The following PBX3 variants were observed in gnomAD, a reference collection of about 807,000 sequenced individuals.
The protein encoded by PBX3 is PBX homeobox 3.
A neutral mutation model predicts 48.5 loss-of-function variants in PBX3; 14 were observed. The observed-to-expected ratio is 0.29, with a 90% CI of 0.19 to 0.45. The LOEUF is 0.45. Among genes scored for constraint, PBX3 ranks in the 20% least tolerant of loss-of-function variants. The probability of loss-of-function intolerance (pLI) is 1.00; values close to 1 mark genes in which losing one functional copy is unlikely to be tolerated. For missense variants in PBX3, 386 were observed against 546.7 expected, an observed-to-expected ratio of 0.71 and a Z score of 2.93; for synonymous variants, 210 against 200.3, an observed-to-expected ratio of 1.05 and a Z score of -0.41.
At chr9:125,786,913 C>T (rs1358382753) in intron 2 of PBX3, among the ~76,000 whole-genome samples, 3 of 151,888 alleles carry the variant, frequency 2.0e-5, no homozygotes, top group Non-Finnish European at 4.4e-5. Context: ...TTAGTAGAGT[C>T]GGGGTTTCAC....
At chr9:125,765,067 G>C (rs1157434008) in intron 2 of PBX3, among the ~76,000 whole-genome samples, 1 of 151,934 alleles carries the variant, frequency 6.6e-6, no homozygotes, top group East Asian at 1.9e-4. Flanking sequence ...TCCAGAAGCA[G>C]ATTATATACA....
At chr9:125,891,895 C>T (rs1165468295) in intron 2 of PBX3, among the ~76,000 whole-genome samples, 1 of 152,096 alleles carries the variant, frequency 6.6e-6, no homozygotes, top group South Asian at 2.1e-4. Flanking sequence ...GAAATTAGGC[C>T]TACCTGTTCA....
chr9:125,871,868 A>C (rs1840133620), intron 2 of PBX3, among the ~76,000 whole-genome samples: 1 of 152,244 alleles, frequency 6.6e-6, no homozygotes, highest in Admixed American at 6.5e-5. Context: ...GAGATAGGGC[A>C]CAAAGGTGCT....
rs751878387 is a variant in PBX3 at position 125,962,094 on chromosome 9, C to T, written c.1010-8C>T. 1.2e-5 allele frequency: 18 copies of T among 1,471,736 alleles called. No homozygotes were observed. Among genetic ancestry groups the T allele is most frequent in the Non-Finnish European group, 1.6e-5 (17 of 1,050,880 alleles). 91.2% of individuals were successfully genotyped at this position (1,471,736 alleles called of 1,614,324 possible). ...TGTTATTCAGCTACTTAACTCTTTC[C>T]TTTCCAGGTTCTTCTGGTTCTTTTA... On this transcript the variant is annotated splice_region_variant and splice_polypyrimidine_tract_variant and intron_variant, in intron 6 of 8. Coordinates refer to ENST00000373489, the MANE Select transcript of PBX3 (RefSeq NM_006195.6).
At chr9:125,796,767 G>T (rs1055001915) in intron 2 of PBX3, among the ~76,000 whole-genome samples, 1 of 152,002 alleles carries the variant, frequency 6.6e-6, no homozygotes, top group African/African-American at 2.4e-5. Context: ...AAAAGCAGTT[G>T]TATAGAGTCA....
intron 2 of PBX3, among the ~76,000 whole-genome samples, chr9:125,860,128 C>T (rs10986989): frequency 0.059 from 8,999 of 152,234 alleles, 612 homozygotes; most frequent in East Asian, 0.17. Context: ...TATGTGGCTC[C>T]GCTCATTGTA....
intron 2 of PBX3, among the ~76,000 whole-genome samples, chr9:125,898,462 A>T (rs1056992066): frequency 3.3e-5 from 5 of 150,986 alleles, no homozygotes; most frequent in South Asian, 4.2e-4. Flanking sequence ...AAAAAAAAAT[A>T]AAAAAAAGGG....
intron 2 of PBX3, among the ~76,000 whole-genome samples, chr9:125,846,272 C>G (rs2132245448): frequency 6.6e-6 from 1 of 152,104 alleles, no homozygotes; most frequent in Admixed American, 6.6e-5. Context: ...TTCATGTCCA[C>G]ATTAAAATGA....
At chr9:125,760,324 T>C (rs748098813) in intron 2 of PBX3, among the ~76,000 whole-genome samples, 4 of 152,182 alleles carry the variant, frequency 2.6e-5, no homozygotes, top group Non-Finnish European at 4.4e-5. Flanking sequence ...TTTAATGATT[T>C]AACTCTTTTA....
In PBX3 at chr9:125,936,936, G is replaced by C. The variant is rs146887502; in HGVS notation, c.843+1329G>C. Among the ~76,000 whole-genome samples the C allele has an allele frequency of 8.5e-5, 13 of 152,194 alleles. No individual in the cohort carries two copies. In the South Asian group the frequency reaches 2.7e-3, roughly 32 times the overall value. Reference sequence around the variant, plus strand: ...AGAAGACAAAATTAAAAGAAGAATCGTTTCAAGTAGGATTTTATGACGAAT... The same window carrying C: ...AGAAGACAAAATTAAAAGAAGAATCCTTTCAAGTAGGATTTTATGACGAAT... On this transcript the variant is annotated intron_variant, in intron 5 of 8. Coordinates refer to ENST00000373489, the MANE Select transcript of PBX3 (RefSeq NM_006195.6).
intron 2 of PBX3, among the ~76,000 whole-genome samples, chr9:125,861,857 TGA>T (rs1320299251): frequency 1.3e-5 from 2 of 152,168 alleles, no homozygotes; most frequent in Admixed American, 6.5e-5. Context: ...TGGGGAATTT[TGA>T]GAGAGGGTGA....
At chr9:125,925,280 G>C (rs12348999) in intron 3 of PBX3, among the ~76,000 whole-genome samples, 1 of 152,244 alleles carries the variant, frequency 6.6e-6, no homozygotes, top group Non-Finnish European at 1.5e-5. Context: ...AGATGCCGTA[G>C]AGCTGTGCTG....
chr9:125,778,689 T>C (rs1255300356), intron 2 of PBX3, among the ~76,000 whole-genome samples: 4 of 151,252 alleles, frequency 2.6e-5, no homozygotes, highest in Non-Finnish European at 5.9e-5. Context: ...ATGCTCCTTG[T>C]GTAGACACAG....
chr9:125,966,539 A>AT lies in PBX3; in HGVS notation c.*617dup, dbSNP rs1842537040. 2 of 152,608 alleles carry AT rather than the reference A, an allele frequency of 1.3e-5. No homozygotes were observed. Among genetic ancestry groups the AT allele is most frequent in the African/African-American group, 4.8e-5 (2 of 41,428 alleles). 9.5% of individuals were successfully genotyped at this position (152,608 alleles called of 1,614,324 possible). A position where few individuals can be genotyped will look rare whatever the true frequency, so the allele number is the denominator to read the frequency against. Reference sequence around the variant, plus strand: ...ACCAGTGCCCAGAGTCTGCTCGGTAATAAAATTATGGATCCAGATTGTTCT... The same window carrying AT: ...ACCAGTGCCCAGAGTCTGCTCGGTAATTAAAATTATGGATCCAGATTGTTCT... On this transcript the variant is annotated 3_prime_UTR_variant, in exon 9 of 9. Transcript: ENST00000373489.
intron 2 of PBX3, among the ~76,000 whole-genome samples, chr9:125,780,232 G>T (rs1429439299): frequency 2.2e-5 from 3 of 136,706 alleles, no homozygotes; most frequent in African/African-American, 8.2e-5. Context: ...GGCTGGCCGG[G>T]CGGGGGGCTG....
chr9:125,824,255 C>G (rs1838742838), intron 2 of PBX3, among the ~76,000 whole-genome samples: 1 of 152,212 alleles, frequency 6.6e-6, no homozygotes, highest in Admixed American at 6.5e-5. Context: ...TGTAGAGGGG[C>G]TACGTAACCA....
chr9:125,859,325 A>G (rs1474943964), intron 2 of PBX3, among the ~76,000 whole-genome samples: 1 of 152,188 alleles, frequency 6.6e-6, no homozygotes, highest in Non-Finnish European at 1.5e-5. Context: ...GTCAAGGCCC[A>G]TGAAAGTAGG....
chr9:125,776,645 C>T (rs1410358282), intron 2 of PBX3, among the ~76,000 whole-genome samples: 1 of 152,108 alleles, frequency 6.6e-6, no homozygotes, highest in African/African-American at 2.4e-5. Context: ...AAGTGGTTCT[C>T]CCACCTCAGC....
At chr9:125,752,533 A>T (rs550658886) in intron 2 of PBX3, among the ~76,000 whole-genome samples, 5 of 152,186 alleles carry the variant, frequency 3.3e-5, no homozygotes, top group Non-Finnish European at 7.4e-5. Flanking sequence ...TATTGCTAGA[A>T]GTGTGACTAG....
Sources: allele counts gnomAD v4.1 joint callset (sites outside exome capture counted in the v4.1 genomes callset), GRCh38; gene constraint gnomAD v4.1.1; transcripts MANE v1.5; gene names NCBI Gene and HGNC (gene_info 2026-07-23, HGNC 2026-07-21).